TRPM3: variants seen among roughly 807,000 people sequenced by gnomAD.
TRPM3 encodes the protein transient receptor potential cation channel subfamily M member 3.
Under a neutral mutation model 181.2 loss-of-function variants are expected in TRPM3, and 77 were observed. The ratio of observed to expected loss-of-function variants is 0.42; its 90% confidence interval spans 0.35 to 0.51. The LOEUF (loss-of-function observed/expected upper bound fraction) is 0.51, where lower values mean the gene tolerates loss of function less well. Ranked by LOEUF, TRPM3 falls within the 20% of genes least tolerant of loss-of-function variation. TRPM3 has a pLI of 0.01. For missense variants in TRPM3, 1,759 were observed against 2,196.7 expected (o/e 0.80, Z 3.98); for synonymous variants, 745 against 796.4 (o/e 0.94, Z 1.09).
At chr9:71,236,625 C>A (rs1362236697) in intron 1 of TRPM3, among the ~76,000 whole-genome samples, 1 of 152,160 alleles carries the variant, frequency 6.6e-6, no homozygotes, top group Non-Finnish European at 1.5e-5. Context: ...AGATAAGATA[C>A]ACCTCTGTTT....
chr9:71,124,435 T>C (rs890047306), upstream of TRPM3, among the ~76,000 whole-genome samples: 1 of 152,178 alleles, frequency 6.6e-6, no homozygotes, highest in African/African-American at 2.4e-5. Context: ...TCTAGCAGGC[T>C]TAAAACTCTG....
chr9:71,165,908 A>G (rs2076518328), intron 1 of TRPM3, among the ~76,000 whole-genome samples: 1 of 152,166 alleles, frequency 6.6e-6, no homozygotes, highest in Non-Finnish European at 1.5e-5. Flanking sequence ...GTCTCCACCC[A>G]TTCGAAGATA....
At chr9:70,805,607 G>A (rs1422916116) in intron 6 of TRPM3, among the ~76,000 whole-genome samples, 1 of 150,104 alleles carries the variant, frequency 6.7e-6, no homozygotes, top group Admixed American at 6.6e-5. Context: ...TTGGAATTGG[G>A]TTTATTTGAA....
chr9:70,791,264 T>C (rs2085324013), intron 6 of TRPM3, among the ~76,000 whole-genome samples: 1 of 152,192 alleles, frequency 6.6e-6, no homozygotes, highest in Non-Finnish European at 1.5e-5. Context: ...ATCTTGCACC[T>C]AAATTGATGC....
intron 1 of TRPM3, among the ~76,000 whole-genome samples, chr9:71,031,632 T>C (rs911998505): frequency 6.6e-5 from 10 of 151,984 alleles, no homozygotes; most frequent in African/African-American, 2.4e-4. Flanking sequence ...CATGCCAATT[T>C]ATATTCCACT....
At chr9:71,363,734 G>T (rs1358133619) in intron 1 of TRPM3, among the ~76,000 whole-genome samples, 1 of 152,064 alleles carries the variant, frequency 6.6e-6, no homozygotes, top group Non-Finnish European at 1.5e-5. Flanking sequence ...CCCTGGCCAG[G>T]AGGCCCCTGG....
chr9:70,622,649 C>T (rs2063794185), intron 14 of TRPM3, among the ~76,000 whole-genome samples: 1 of 152,200 alleles, frequency 6.6e-6, no homozygotes, highest in Non-Finnish European at 1.5e-5. Context: ...AACACAGACC[C>T]TGATCTATAT....
intron 9 of TRPM3, among the ~76,000 whole-genome samples, chr9:70,648,071 C>G (rs2059133618): frequency 6.6e-6 from 1 of 152,158 alleles, no homozygotes; most frequent in Non-Finnish European, 1.5e-5. Context: ...AAAAACATTA[C>G]ATGCTCATGG....
intron 9 of TRPM3, among the ~76,000 whole-genome samples, chr9:70,669,842 T>A (rs2062585514): frequency 6.6e-6 from 1 of 151,616 alleles, no homozygotes; most frequent in African/African-American, 2.4e-5. Flanking sequence ...GCTCAAGCGA[T>A]CCTTTCATGT....
chr9:71,418,827 A>ATATATC (rs1554895519), intron 1 of TRPM3, among the ~76,000 whole-genome samples: 7 of 47,908 alleles, frequency 1.5e-4, no homozygotes, highest in South Asian at 9.3e-4. Context: ...ATATATATAT[A>ATATATC]TCCTTTGAGA....
rs148166135 is a variant in TRPM3 at position 70,774,522 on chromosome 9, A to T, written c.1148+9583T>A. On this transcript the variant is annotated intron_variant, in intron 7 of 25. Transcript: ENST00000677713. ...AAGTTATACATGGATTTTTGACCAC[A>T]TGGGGGGTTGGCAACTCTAACCTCA... The T allele has an allele frequency of 5.9e-5, 9 of 152,240 alleles. No homozygotes were observed. The East Asian group carries it at 1.4e-3, about 23-fold the overall frequency. 9.4% of individuals were successfully genotyped at this position (152,240 alleles called of 1,614,324 possible).
intron 25 of TRPM3, among the ~76,000 whole-genome samples, chr9:70,546,792 T>A (rs2045067553): frequency 6.6e-6 from 1 of 152,138 alleles, no homozygotes; most frequent in Non-Finnish European, 1.5e-5. Flanking sequence ...AGGGCATTGG[T>A]TACTCTACTG....
chr9:70,782,730 A>G (rs1387323432), intron 7 of TRPM3, among the ~76,000 whole-genome samples: 3 of 151,980 alleles, frequency 2.0e-5, no homozygotes, highest in Non-Finnish European at 2.9e-5. Flanking sequence ...ATAGTAATTT[A>G]ACTAAATTTG....
At chr9:71,369,654 T>C (rs1376170898) in intron 1 of TRPM3, among the ~76,000 whole-genome samples, 2 of 152,204 alleles carry the variant, frequency 1.3e-5, no homozygotes, top group African/African-American at 4.8e-5. Flanking sequence ...AGTGCTGGGA[T>C]TACAAGCGTG....
intron 1 of TRPM3, among the ~76,000 whole-genome samples, chr9:71,156,422 A>AG (rs2076009462): frequency 1.1e-5 from 1 of 94,974 alleles, no homozygotes; most frequent in Non-Finnish European, 2.5e-5. Context: ...CACACACACA[A>AG]GGCTTATCAC....
intron 1 of TRPM3, among the ~76,000 whole-genome samples, chr9:71,005,423 T>G (rs1027990543): frequency 6.6e-6 from 1 of 151,382 alleles, no homozygotes; most frequent in African/African-American, 2.4e-5. Context: ...AAAAACCTCA[T>G]AGGCTCATAG....
chr9:71,030,194 A>T (rs896280169), intron 1 of TRPM3, among the ~76,000 whole-genome samples: 1 of 152,212 alleles, frequency 6.6e-6, no homozygotes, highest in African/African-American at 2.4e-5. Flanking sequence ...CTACTTTTAT[A>T]GTTAGAGAAA....
chr9:71,267,821 C>T (rs1161357061), intron 1 of TRPM3, among the ~76,000 whole-genome samples: 1 of 152,128 alleles, frequency 6.6e-6, no homozygotes, highest in South Asian at 2.1e-4. Flanking sequence ...GTGGATAATA[C>T]GTGATGAGAA....
chr9:70,597,627 A>C (rs1304679120), intron 21 of TRPM3, among the ~76,000 whole-genome samples: 1 of 152,140 alleles, frequency 6.6e-6, no homozygotes, highest in Non-Finnish European at 1.5e-5. Flanking sequence ...AAAAGTCTGG[A>C]AACTGGTGTG....
Sources: gnomAD v4.1 joint callset for allele counts (sites outside exome capture counted in the v4.1 genomes callset) on GRCh38, gnomAD v4.1.1 for gene constraint, MANE v1.5 for transcripts, NCBI Gene and HGNC (gene_info 2026-07-23, HGNC 2026-07-21) for gene names.